SOX5: variants seen among roughly 807,000 people sequenced by gnomAD.
SOX5 encodes the protein transcription factor SOX-5.
A neutral mutation model predicts 92.0 loss-of-function variants in SOX5; 9 were observed. That is an observed-to-expected ratio of 0.10 (90% CI 0.06 to 0.17). SOX5 has a LOEUF of 0.17. Among genes scored for constraint, SOX5 ranks in the 10% least tolerant of loss-of-function variants. The pLI, the probability that SOX5 is intolerant of heterozygous loss-of-function variation, is 1.00. For missense variants in SOX5, 642 were observed against 944.5 expected, an observed-to-expected ratio of 0.68 and a Z score of 4.20; for synonymous variants, 344 against 336.3, an observed-to-expected ratio of 1.02 and a Z score of -0.25.
At chr12:23,902,164 A>C (rs2097241239) in intron 1 of SOX5, among the ~76,000 whole-genome samples, 1 of 152,170 alleles carries the variant, frequency 6.6e-6, no homozygotes, top group Non-Finnish European at 1.5e-5. Context: ...TTTAAAAAAA[A>C]CTTTTAGGAA....
chr12:24,412,206 C>G (rs1964237481), intron 1 of SOX5, among the ~76,000 whole-genome samples: 1 of 152,082 alleles, frequency 6.6e-6, no homozygotes, highest in Non-Finnish European at 1.5e-5. Flanking sequence ...GTTAGTCTTA[C>G]TAGAAATTTG....
chr12:23,726,294 G>C (rs755997085), intron 6 of SOX5, among the ~76,000 whole-genome samples: 1 of 152,062 alleles, frequency 6.6e-6, no homozygotes, highest in Non-Finnish European at 1.5e-5. Context: ...GAGATGTCTG[G>C]AATGTATGTC....
intron 2 of SOX5, among the ~76,000 whole-genome samples, chr12:24,364,511 C>CATATATATATATATATATATATATATAT (rs58135899): frequency 1.8e-5 from 2 of 110,532 alleles, no homozygotes; most frequent in Admixed American, 1.0e-4. Flanking sequence ...AACATTTTTT[C>CATATATATATATATATATATATATATAT]ATATATATAT....
intron 4 of SOX5, among the ~76,000 whole-genome samples, chr12:23,976,785 A>G (rs1948964118): frequency 6.6e-6 from 1 of 152,092 alleles, no homozygotes; most frequent in African/African-American, 2.4e-5. Context: ...TACTCACTGG[A>G]AACTCGCGAC....
chr12:23,636,097 C>A (rs932447304), intron 8 of SOX5, among the ~76,000 whole-genome samples: 1 of 152,086 alleles, frequency 6.6e-6, no homozygotes, highest in African/African-American at 2.4e-5. Flanking sequence ...TCATAGTCAA[C>A]AAGCAGTTGG....
chr12:23,633,318 G>A (rs1277343158), intron 8 of SOX5, among the ~76,000 whole-genome samples: 2 of 152,038 alleles, frequency 1.3e-5, no homozygotes, highest in Non-Finnish European at 2.9e-5. Context: ...TAACGAAAAT[G>A]AATATGAGAA....
At chr12:23,551,078 C>A (rs961822521) in intron 11 of SOX5, among the ~76,000 whole-genome samples, 1 of 151,864 alleles carries the variant, frequency 6.6e-6, no homozygotes, top group African/African-American at 2.4e-5. Context: ...ATAAAGCTCA[C>A]AAAGCTATAA....
At chr12:24,388,333 C>A (rs1023076053) in intron 1 of SOX5, among the ~76,000 whole-genome samples, 7 of 152,124 alleles carry the variant, frequency 4.6e-5, no homozygotes, top group Non-Finnish European at 8.8e-5. Flanking sequence ...TCAAAAGACG[C>A]CCCTGTTCCA....
At chr12:24,320,947 C>T (rs1455443250) in intron 2 of SOX5, among the ~76,000 whole-genome samples, 1 of 152,060 alleles carries the variant, frequency 6.6e-6, no homozygotes, top group Non-Finnish European at 1.5e-5. Flanking sequence ...AAACTGTCTT[C>T]TGTGACCAAC....
intron 5 of SOX5, among the ~76,000 whole-genome samples, chr12:23,737,854 C>A (rs1485621842): frequency 6.6e-6 from 1 of 152,342 alleles, no homozygotes; most frequent in Middle Eastern, 3.4e-3. Context: ...ACACTTCCTA[C>A]AGGTTTCTGC....
chr12:23,715,708 T>G (rs1195817747), intron 6 of SOX5, among the ~76,000 whole-genome samples: 1 of 151,654 alleles, frequency 6.6e-6, no homozygotes, highest in Non-Finnish European at 1.5e-5. Context: ...CATATGCTCC[T>G]TTAAAGCATG....
At chr12:23,827,965 A>AT (rs140152549) in intron 3 of SOX5, among the ~76,000 whole-genome samples, 1,930 of 152,244 alleles carry the variant, frequency 0.013, 48 homozygotes, top group African/African-American at 0.044. Flanking sequence ...ATTTATTATT[A>AT]TTTTCAAATG....
chr12:23,611,433 T>C (rs183589194), intron 8 of SOX5, among the ~76,000 whole-genome samples: 1 of 152,114 alleles, frequency 6.6e-6, no homozygotes, highest in African/African-American at 2.4e-5. Context: ...TATCCATTTA[T>C]CTACTGATGG....
intron 1 of SOX5, among the ~76,000 whole-genome samples, chr12:24,491,232 C>G (rs554492225): frequency 6.6e-6 from 1 of 152,226 alleles, no homozygotes; most frequent in Admixed American, 6.5e-5. Context: ...AAACCCAAGG[C>G]AACTTATCTG....
At chr12:24,410,665 T>C (rs1215345603) in intron 1 of SOX5, among the ~76,000 whole-genome samples, 1 of 152,242 alleles carries the variant, frequency 6.6e-6, no homozygotes, top group East Asian at 1.9e-4. Flanking sequence ...CCTCCATTGA[T>C]ATAAGTGTCT....
chr12:24,052,550 T>C lies in SOX5; in HGVS notation c.-1-156526A>G, dbSNP rs76529784. Among the ~76,000 whole-genome samples the C allele has an allele frequency of 6.0e-3, 917 of 152,320 alleles. 10 individuals are homozygous for C. Among genetic ancestry groups the C allele is most frequent in the South Asian group, 0.034 (164 of 4,828 alleles). ...AAATATGAGTTTTCTAATTTTGCATTACTTGATTTTTAACCCTTTCACAAC... is the reference window on the plus strand; with the variant it reads ...AAATATGAGTTTTCTAATTTTGCATCACTTGATTTTTAACCCTTTCACAAC... On this transcript the variant is annotated intron_variant, in intron 4 of 4. Transcript: ENST00000446891.
intron 4 of SOX5, among the ~76,000 whole-genome samples, chr12:23,752,189 A>T (rs369739978): frequency 2.6e-5 from 4 of 151,380 alleles, no homozygotes; most frequent in East Asian, 2.0e-4. Context: ...CAGATTCAAC[A>T]GTTTGTGGGC....
Position 23,532,661 on chromosome 12 carries a change from C to G in SOX5, c.*1558G>C, listed in dbSNP as rs917083654. The G allele has an allele frequency of 1.7e-4, 26 of 152,246 alleles. No individual in the cohort carries two copies. Among genetic ancestry groups the G allele is most frequent in the African/African-American group, 6.3e-4 (26 of 41,404 alleles). 9.4% of individuals were successfully genotyped at this position (152,246 alleles called of 1,614,324 possible). On this transcript the variant is annotated 3_prime_UTR_variant, in exon 15 of 15. Transcript: ENST00000451604. The stretch of plus-strand genomic sequence containing the variant: ...AAGGATCCCTGGGTGCAGCCAGGCT[C>G]CATTTTATTGGGCTGCAATGACTTT...
At position 24,325,436 on chromosome 12, in the gene SOX5, T is replaced by C. The variant is rs113165898; in HGVS notation, c.-174+43127A>G. Among the ~76,000 whole-genome samples the C allele has an allele frequency of 8.9e-4, 136 of 152,042 alleles. 1 individual carries two copies. Among genetic ancestry groups the C allele is most frequent in the African/African-American group, 2.8e-3 (118 of 41,492 alleles). ...ATCTCAGATAGTTGCATAAAGAAAATAGAGAGGGAAGAACCGTTGAGAGAA... is the reference window on the plus strand; with the variant it reads ...ATCTCAGATAGTTGCATAAAGAAAACAGAGAGGGAAGAACCGTTGAGAGAA... On this transcript the variant is annotated intron_variant, in intron 2 of 4. Coordinates refer to the SOX5 transcript ENST00000446891.
Sources: gnomAD v4.1 joint callset for allele counts (sites outside exome capture counted in the v4.1 genomes callset) on GRCh38, gnomAD v4.1.1 for gene constraint, MANE v1.5 for transcripts, NCBI Gene and HGNC (gene_info 2026-07-23, HGNC 2026-07-21) for gene names.